CACNA1A: variants seen among roughly 807,000 people sequenced by gnomAD.
The protein encoded by CACNA1A is voltage-dependent P/Q-type calcium channel subunit alpha-1A.
A neutral mutation model predicts 262.4 loss-of-function variants in CACNA1A; 57 were observed. The ratio of observed to expected loss-of-function variants is 0.22; its 90% CI spans 0.18 to 0.27. The LOEUF (loss-of-function observed/expected upper bound fraction) is 0.27. Ranked by LOEUF, CACNA1A falls within the 10% of genes least tolerant of loss-of-function variation. The pLI, the probability that CACNA1A is intolerant of heterozygous loss-of-function variation, is 1.00. For synonymous variants in CACNA1A, 1,431 were observed against 1,419.3 expected, an observed-to-expected ratio of 1.01 and a Z score of -0.18; for missense variants, 2,526 against 3,562.8, an observed-to-expected ratio of 0.71 and a Z score of 7.41.
At chr19:13,376,602 A>G (rs2059409116) in intron 3 of CACNA1A, among the ~76,000 whole-genome samples, 1 of 148,538 alleles carries the variant, frequency 6.7e-6, no homozygotes, top group South Asian at 2.1e-4. Flanking sequence ...TATATAACAC[A>G]TAATATATGT....
At chr19:13,309,519 C>T (rs1192400617) in intron 12 of CACNA1A, among the ~76,000 whole-genome samples, 1 of 146,222 alleles carries the variant, frequency 6.8e-6, no homozygotes, top group African/African-American at 2.5e-5. Context: ...ACAGGGAAAC[C>T]CTGACTTTAC....
intron 6 of CACNA1A, among the ~76,000 whole-genome samples, chr19:13,347,416 ACT>A (rs1033386502): frequency 3.3e-5 from 5 of 151,032 alleles, no homozygotes; most frequent in Admixed American, 3.3e-4. Flanking sequence ...CAATGCACAA[ACT>A]CTCTACTGTT....
intron 3 of CACNA1A, among the ~76,000 whole-genome samples, chr19:13,432,083 A>G (rs941882972): frequency 1.4e-5 from 2 of 141,604 alleles, no homozygotes; most frequent in Non-Finnish European, 3.0e-5. Context: ...CCAGCCTAGC[A>G]AGAGAGTGAG....
At chr19:13,284,218 A>C (rs1216659278) in intron 21 of CACNA1A, 1 of 152,240 alleles carries the variant, frequency 6.6e-6, no homozygotes, top group East Asian at 1.9e-4. Flanking sequence ...AATGGAGCTA[A>C]GCATAGTAAC....
At position 13,214,268 on chromosome 19, in the gene CACNA1A, T is replaced by C; in HGVS notation, c.5905A>G (p.Lys1969Glu). 1 of 1,611,788 alleles carries C rather than the reference T, an allele frequency of 6.2e-7. No individual in the cohort carries two copies. The highest frequency in any genetic ancestry group is 8.5e-7 in the Non-Finnish European group (1 of 1,179,870). The change falls in exon 40 of 47, where the codon AAG becomes GAG. Residue 1969 changes from lysine (K) to glutamate (E), a missense_variant. Coordinates refer to ENST00000360228, the MANE Select transcript of CACNA1A (RefSeq NM_001127222.2). This position sits in a 1 kb window ranked among gnomAD's most constrained non-coding sequence, Gnocchi z 4.1. ...MMIMEYYRQS[K>E]AKKLQAMREE... ...CGCATGGCCTGCAGCTTCTTGGCCT[T>C]GCTCTGCCGGTAGTACTCCATGATC... is the stretch of plus-strand genomic sequence containing the variant.
intron 11 of CACNA1A, among the ~76,000 whole-genome samples, chr19:13,313,001 C>A (rs918865891): frequency 3.9e-5 from 6 of 152,086 alleles, no homozygotes; most frequent in African/African-American, 7.2e-5. Context: ...GTCACCACAC[C>A]CAACTTCTGA....
chr19:13,402,873 CATAT>C (rs71170507), intron 3 of CACNA1A, among the ~76,000 whole-genome samples: 3,344 of 72,186 alleles, frequency 0.046, 62 homozygotes, highest in Middle Eastern at 0.059. Context: ...CACACACACA[CATAT>C]ATATATATAT....
rs374808631 is a variant in CACNA1A, at chr19:13,445,295, T to C, written c.539+7581A>G. 2.3e-4 allele frequency among the ~76,000 whole-genome samples: 35 copies of C among 152,306 alleles called. No homozygotes were observed. The South Asian group carries it at 4.8e-3, about 21-fold the overall frequency. The stretch of plus-strand genomic sequence containing the variant: ...TTATAGACCCTTCTAAAAAGGAACC[T>C]TCCGTTTCATAGAGTCATAAAATGT... On this transcript the variant is annotated intron_variant, in intron 3 of 46. Transcript: ENST00000360228.
Position 13,437,907 on chromosome 19 carries a change from G to A in CACNA1A, c.539+14969C>T, listed in dbSNP as rs140502345. Among the ~76,000 whole-genome samples the A allele has an allele frequency of 1.4e-4, 22 of 152,012 alleles. No individual in the cohort carries two copies. In the South Asian group the frequency reaches 3.5e-3, roughly 24 times the overall value. ...AGCCCCAGTGGACAGAGGGAGCCAG[G>A]TTGCGTGTCTGTGCATGTCAGCATG... On this transcript the variant is annotated intron_variant, in intron 3 of 46. Transcript: ENST00000360228.
intron 3 of CACNA1A, among the ~76,000 whole-genome samples, chr19:13,397,037 A>ATC (rs1318159682): frequency 6.6e-6 from 1 of 152,032 alleles, no homozygotes; most frequent in East Asian, 1.9e-4. Context: ...ACCTGTTCCT[A>ATC]TCTCTTTAAG....
intron 19 of CACNA1A, among the ~76,000 whole-genome samples, chr19:13,290,832 C>G (rs2057520284): frequency 6.6e-6 from 1 of 152,042 alleles, no homozygotes; most frequent in Non-Finnish European, 1.5e-5. Flanking sequence ...CAAAGAGAAC[C>G]TAAATCCTTT....
intron 1 of CACNA1A, among the ~76,000 whole-genome samples, chr19:13,504,693 G>C (rs1488526246): frequency 6.6e-6 from 1 of 152,200 alleles, no homozygotes; most frequent in Non-Finnish European, 1.5e-5. Context: ...GAACTGTGCG[G>C]AGAAGCGGCA....
chr19:13,383,816 G>GTTTA (rs1255895615), intron 3 of CACNA1A, among the ~76,000 whole-genome samples: 12 of 151,884 alleles, frequency 7.9e-5, no homozygotes, highest in Non-Finnish European at 1.6e-4. Flanking sequence ...TTGTTTGTTT[G>GTTTA]TTTATTTATT....
At chr19:13,373,031 G>A (rs1415719439) in intron 3 of CACNA1A, among the ~76,000 whole-genome samples, 1 of 152,190 alleles carries the variant, frequency 6.6e-6, no homozygotes, top group African/African-American at 2.4e-5. Context: ...TGTACAGTGC[G>A]TGGTCAAGGC....
chr19:13,274,960 T>G (rs896631788), intron 24 of CACNA1A: 1 of 151,040 alleles, frequency 6.6e-6, no homozygotes, highest in African/African-American at 2.4e-5. Flanking sequence ...TCAGAGGCCA[T>G]CTTGGAATAG....
chr19:13,247,772 T>C (rs528892321), intron 30 of CACNA1A, among the ~76,000 whole-genome samples: 2 of 151,938 alleles, frequency 1.3e-5, no homozygotes, highest in Non-Finnish European at 2.9e-5. Context: ...CTGGCACTTT[T>C]GGCATTTTGG....
At chr19:13,455,339 GA>G (rs1268789359) in intron 1 of CACNA1A, 127 bp from the exon 2 acceptor site, 1 of 587,980 alleles carries the variant, frequency 1.7e-6, no homozygotes, top group East Asian at 2.8e-5. Context: ...AGCACAGGTG[GA>G]ATTATTCGTT....
intron 5 of CACNA1A, chr19:13,362,551 T>G (rs62111184): frequency 0.051 from 7,833 of 152,146 alleles, 399 homozygotes; most frequent in East Asian, 0.21. Context: ...CTATGTTGCC[T>G]AGGCTGGTCT....
intron 31 of CACNA1A, among the ~76,000 whole-genome samples, chr19:13,237,691 G>A (rs1355131195): frequency 6.6e-6 from 1 of 152,188 alleles, no homozygotes; most frequent in Admixed American, 6.5e-5. Flanking sequence ...CTCAAGTGCT[G>A]TGAGAATGTC....
Sources: allele counts gnomAD v4.1 joint callset (sites outside exome capture counted in the v4.1 genomes callset), GRCh38; gene constraint gnomAD v4.1.1; non-coding constraint Gnocchi (gnomAD v3.1); transcripts MANE v1.5; gene names NCBI Gene and HGNC (gene_info 2026-07-23, HGNC 2026-07-21).